The following CYRIB variants were observed in gnomAD, a reference collection of about 807,000 sequenced individuals.
CYRIB encodes the protein CYFIP-related Rac1 interactor B.
In CYRIB, 8 loss-of-function variants were observed where a neutral mutation model predicts 44.2. The ratio of observed to expected loss-of-function variants is 0.18; its 90% CI spans 0.11 to 0.33. The LOEUF is 0.33. CYRIB is among the 10% of genes least tolerant of loss of function. The pLI is 1.00. For synonymous variants in CYRIB, 131 were observed against 127.2 expected (o/e 1.03, Z -0.20); for missense variants, 185 against 382.8 (o/e 0.48, Z 4.31).
chr8:129,954,823 T>A (rs2094706627), intron 2 of CYRIB, among the ~76,000 whole-genome samples: 1 of 152,188 alleles, frequency 6.6e-6, no homozygotes, highest in African/African-American at 2.4e-5. Flanking sequence ...TCTATACTAA[T>A]AAGCAGTGTG....
At chr8:129,948,149 TGACGAAGCAAG>T (rs2094285050) in intron 2 of CYRIB, among the ~76,000 whole-genome samples, 1 of 152,198 alleles carries the variant, frequency 6.6e-6, no homozygotes, top group Non-Finnish European at 1.5e-5. Flanking sequence ...AGCTGATGTA[TGACGAAGCAAG>T]GACGATGCCT....
intron 11 of CYRIB, chr8:129,844,298 G>A (rs2038477500): frequency 6.6e-6 from 1 of 152,146 alleles, no homozygotes; most frequent in Non-Finnish European, 1.5e-5. Flanking sequence ...ATGTGATCTT[G>A]GCTTCCTTCT....
intron 2 of CYRIB, among the ~76,000 whole-genome samples, chr8:129,897,987 A>C (rs1292319847): frequency 4.0e-4 from 61 of 151,714 alleles, no homozygotes. Flanking sequence ...GCTGGTCTTG[A>C]GCTCCTGACC....
At chr8:129,978,297 T>G (rs2096052676) in intron 1 of CYRIB, among the ~76,000 whole-genome samples, 1 of 152,264 alleles carries the variant, frequency 6.6e-6, no homozygotes, top group African/African-American at 2.4e-5. Flanking sequence ...CTCTTTCTTA[T>G]GTTTTCATTT....
intron 10 of CYRIB, among the ~76,000 whole-genome samples, chr8:129,848,440 A>C (rs1363680750): frequency 1.3e-5 from 2 of 152,238 alleles, no homozygotes; most frequent in African/African-American, 4.8e-5. Flanking sequence ...GAAATTAGAA[A>C]ACTATTTCTA....
intron 2 of CYRIB, among the ~76,000 whole-genome samples, chr8:129,886,491 C>T (rs2134348571): frequency 6.6e-6 from 1 of 152,198 alleles, no homozygotes; most frequent in Middle Eastern, 3.4e-3. Context: ...ATTCTATTTC[C>T]CTCACCAGCT....
chr8:130,002,354 G>A (rs924717363), intron 1 of CYRIB, among the ~76,000 whole-genome samples: 2 of 151,516 alleles, frequency 1.3e-5, no homozygotes, highest in African/African-American at 4.9e-5. Context: ...CCAGCTGCTC[G>A]GGACGCTGAG....
At chr8:129,847,886 C>G (rs1420169712) in intron 10 of CYRIB, among the ~76,000 whole-genome samples, 1 of 152,198 alleles carries the variant, frequency 6.6e-6, no homozygotes, top group African/African-American at 2.4e-5. Context: ...ACTGCAACCT[C>G]TGCCTCCTGG....
chr8:129,913,473 C>G (rs911786104), intron 1 of CYRIB, among the ~76,000 whole-genome samples: 1 of 152,202 alleles, frequency 6.6e-6, no homozygotes, highest in Non-Finnish European at 1.5e-5. Flanking sequence ...AAAACCAAAG[C>G]ACATTCTTCA....
chr8:129,892,791 T>C (rs1157313194), intron 2 of CYRIB, among the ~76,000 whole-genome samples: 1 of 152,108 alleles, frequency 6.6e-6, no homozygotes. Flanking sequence ...TCCAGCTACA[T>C]ACGATAAAGA....
Position 129,977,417 on chromosome 8 carries a change from AAAT to A in CYRIB, c.-295-6425_-295-6423del, listed in dbSNP as rs1284764597. 3.9e-5 allele frequency among the ~76,000 whole-genome samples: 6 copies of A among 152,344 alleles called. No individual in the cohort carries two copies. The East Asian group carries it at 1.2e-3, about 29-fold the overall frequency. On this transcript the variant is annotated intron_variant, in intron 1 of 14. Transcript: ENST00000401979. ...TAAACTGGACTCGACACCCAGCCAA[AAAT>A]AATAATGATGTGCACGTCTCTGTAT...
At chr8:129,893,595 T>C (rs1168120804) in intron 2 of CYRIB, among the ~76,000 whole-genome samples, 2 of 152,216 alleles carry the variant, frequency 1.3e-5, no homozygotes, top group African/African-American at 2.4e-5. Context: ...AATTTAGCAA[T>C]AGTTGCTTCA....
chr8:129,989,562 A>G (rs1228918365), intron 1 of CYRIB, among the ~76,000 whole-genome samples: 1 of 151,830 alleles, frequency 6.6e-6, no homozygotes, highest in Non-Finnish European at 1.5e-5. Flanking sequence ...TCATGAAGGC[A>G]GCAGAGCAGC....
intron 1 of CYRIB, among the ~76,000 whole-genome samples, chr8:130,006,602 ATATACATATATATGTG>A (rs1564797080): frequency 5.6e-5 from 3 of 53,992 alleles, no homozygotes; most frequent in African/African-American, 3.2e-4. Context: ...AATTATATAT[ATATACATATATATGTG>A]TATATATATA....
chr8:129,999,134 G>T (rs962101814), intron 1 of CYRIB, among the ~76,000 whole-genome samples: 2 of 152,114 alleles, frequency 1.3e-5, no homozygotes, highest in Non-Finnish European at 1.5e-5. Flanking sequence ...AACGTGGGGG[G>T]GGTGGGACGC....
intron 4 of CYRIB, among the ~76,000 whole-genome samples, chr8:129,864,163 A>G (rs1271140214): frequency 6.6e-6 from 1 of 152,260 alleles, no homozygotes; most frequent in African/African-American, 2.4e-5. Flanking sequence ...GTTTTATTCA[A>G]TATTTTTAAA....
At chr8:129,887,736 T>C (rs1282647545) in intron 2 of CYRIB, among the ~76,000 whole-genome samples, 1 of 152,250 alleles carries the variant, frequency 6.6e-6, no homozygotes, top group Non-Finnish European at 1.5e-5. Flanking sequence ...GAGATTATTT[T>C]GGAGCTTTAA....
intron 1 of CYRIB, among the ~76,000 whole-genome samples, chr8:129,989,640 C>G (rs1053798445): frequency 7.3e-6 from 1 of 136,798 alleles, no homozygotes; most frequent in African/African-American, 2.7e-5. Context: ...GATGCCCTTT[C>G]TTTTTTTTTT....
chr8:129,993,841 G>A (rs946242493), intron 1 of CYRIB, among the ~76,000 whole-genome samples: 1 of 151,180 alleles, frequency 6.6e-6, no homozygotes, highest in South Asian at 2.1e-4. Context: ...TAGCCTGGGT[G>A]ACAAAACCAG....
Sources: allele counts gnomAD v4.1 joint callset (sites outside exome capture counted in the v4.1 genomes callset), GRCh38; gene constraint gnomAD v4.1.1; transcripts MANE v1.5; gene names NCBI Gene and HGNC (gene_info 2026-07-23, HGNC 2026-07-21).